The following SYNE1 variants were observed in gnomAD, a reference collection of about 807,000 sequenced individuals.
SYNE1 encodes spectrin repeat containing nuclear envelope protein 1, also known as nesprin-1.
SYNE1 carries 616 observed loss-of-function variants against 1,111.0 expected under a neutral mutation model. The observed-to-expected ratio is 0.55, with a 90% CI of 0.52 to 0.59. The LOEUF (loss-of-function observed/expected upper bound fraction) is 0.59, where lower values mean the gene tolerates loss of function less well. Among genes scored for constraint, SYNE1 ranks in the 20% least tolerant of loss-of-function variants. The probability of loss-of-function intolerance (pLI) is 0.00; values close to 1 mark genes in which losing one functional copy is unlikely to be tolerated. For missense variants in SYNE1, 10,006 were observed against 10,417.0 expected, an observed-to-expected ratio of 0.96 and a Z score of 1.72; for synonymous variants, 3,855 against 3,825.8, an observed-to-expected ratio of 1.01 and a Z score of -0.28.
intron 24 of SYNE1, among the ~76,000 whole-genome samples, chr6:152,454,178 A>T (rs2098676118): frequency 8.9e-6 from 1 of 112,988 alleles, no homozygotes; most frequent in African/African-American, 4.6e-5. Context: ...ACACATGTGC[A>T]CACAGAAGCA....
chr6:152,591,662 G>A (rs1247122480), intron 3 of SYNE1, among the ~76,000 whole-genome samples: 2 of 152,042 alleles, frequency 1.3e-5, no homozygotes, highest in Non-Finnish European at 2.9e-5. Flanking sequence ...TGACAGGTGG[G>A]AACTAATCAA....
chr6:152,597,303 G>T (rs2099584735), intron 3 of SYNE1, among the ~76,000 whole-genome samples: 1 of 152,120 alleles, frequency 6.6e-6, no homozygotes, highest in Non-Finnish European at 1.5e-5. Flanking sequence ...TAGATACAGT[G>T]TCTCACTCTA....
chr6:152,549,452 G>A (rs187744122), intron 3 of SYNE1, among the ~76,000 whole-genome samples: 1 of 152,130 alleles, frequency 6.6e-6, no homozygotes, highest in Non-Finnish European at 1.5e-5. Context: ...TGTGTGGGGG[G>A]GCGGTGGGAG....
At chr6:152,190,717 T>C (rs765832764) in intron 127 of SYNE1, among the ~76,000 whole-genome samples, 1 of 152,196 alleles carries the variant, frequency 6.6e-6, no homozygotes, top group Non-Finnish European at 1.5e-5. Context: ...GCAGCCTCCA[T>C]GTACCCTCCC....
chr6:152,553,418 T>C (rs1257337379), intron 3 of SYNE1, among the ~76,000 whole-genome samples: 1 of 152,130 alleles, frequency 6.6e-6, no homozygotes, highest in Non-Finnish European at 1.5e-5. Flanking sequence ...CAAAGTCAAA[T>C]GAAACCCTCC....
intron 73 of SYNE1, among the ~76,000 whole-genome samples, chr6:152,344,995 A>G (rs1203996510): frequency 6.6e-6 from 1 of 152,228 alleles, no homozygotes; most frequent in Non-Finnish European, 1.5e-5. Flanking sequence ...TTGAGACAAT[A>G]GAAGCAATCA....
chr6:152,339,830 A>G (rs2096492751), intron 74 of SYNE1, among the ~76,000 whole-genome samples: 1 of 152,170 alleles, frequency 6.6e-6, no homozygotes, highest in Admixed American at 6.5e-5. Context: ...CAGGAGATTC[A>G]TCTTGTATTA....
intron 29 of SYNE1, among the ~76,000 whole-genome samples, chr6:152,444,902 A>G (rs1003587062): frequency 1.3e-5 from 2 of 152,182 alleles, no homozygotes; most frequent in East Asian, 3.8e-4. Flanking sequence ...CCCCTGTTGA[A>G]GATCATGTAA....
rs776596697 is a variant in SYNE1 at position 152,455,468 on chromosome 6, C to G, written c.2850G>C (p.Leu950=). 6.2e-7 allele frequency: 1 copy of G among 1,614,182 alleles called. No homozygotes were observed. ...GCTCCTCTGGATCCCCCTTTTCCTCCAGGCCCTCCTGAGCAATCCGCAGTA... is the reference window on the plus strand; with the variant it reads ...GCTCCTCTGGATCCCCCTTTTCCTCGAGGCCCTCCTGAGCAATCCGCAGTA... ...EKVLRIAQEG[L]EEKGDPEELL... The change falls in exon 24 of 146, where the codon CTG becomes CTC. Residue 950 remains leucine, a synonymous_variant. Coordinates refer to ENST00000367255, the MANE Select transcript of SYNE1 (RefSeq NM_182961.4).
At position 152,149,495 on chromosome 6, in the gene SYNE1, C is replaced by T. The variant is rs912329356; in HGVS notation, c.24624G>A (p.Lys8208=). ...EVFGRVERYH[K]KLIRLPLPDD... Reference sequence around the variant, plus strand: ...TACATACAGGCAGGCGGATCAGTTTCTTATGGTATCTTTCCACACGCCCGA... The same window carrying T: ...TACATACAGGCAGGCGGATCAGTTTTTTATGGTATCTTTCCACACGCCCGA... Residue 8208 remains lysine, a synonymous_variant, in exon 136 of 146, where the codon AAG becomes AAA. Coordinates refer to ENST00000367255, the MANE Select transcript of SYNE1 (RefSeq NM_182961.4). The T allele has an allele frequency of 6.2e-7, 1 of 1,614,044 alleles. No individual in the cohort carries two copies. Among genetic ancestry groups the T allele is most frequent in the Non-Finnish European group, 8.5e-7 (1 of 1,180,046 alleles).
chr6:152,606,933 C>T (rs143092914), intron 3 of SYNE1, among the ~76,000 whole-genome samples: 4,245 of 147,186 alleles, frequency 0.029, 89 homozygotes, highest in Non-Finnish European at 0.046. Flanking sequence ...GGATTACAGG[C>T]GTGAGCCACC....
intron 75 of SYNE1, among the ~76,000 whole-genome samples, chr6:152,337,680 C>T (rs1170011773): frequency 3.3e-5 from 5 of 152,216 alleles, no homozygotes; most frequent in Non-Finnish European, 7.3e-5. Context: ...CTGTATGACT[C>T]ATGAATTTGG....
At chr6:152,207,924 C>T (rs779457096) in intron 125 of SYNE1, 48 bp downstream of exon 125, 26 of 1,586,900 alleles carry the variant, frequency 1.6e-5, no homozygotes, top group East Asian at 4.5e-5. Context: ...GTAAAGTGTG[C>T]GGTGGAAATG....
chr6:152,210,783 T>C (rs900525682), intron 124 of SYNE1, among the ~76,000 whole-genome samples: 1 of 152,220 alleles, frequency 6.6e-6, no homozygotes, highest in African/African-American at 2.4e-5. Context: ...AAATATAGTA[T>C]GAAATTGTCA....
chr6:152,404,490 A>C (rs962040039), intron 45 of SYNE1, among the ~76,000 whole-genome samples, 176 bp from the exon 46 acceptor site: 5 of 152,192 alleles, frequency 3.3e-5, no homozygotes, highest in African/African-American at 1.2e-4. Context: ...AAAATGTTAC[A>C]ATTAATGTTC....
At chr6:152,424,593 T>A (rs2098323244) in intron 39 of SYNE1, among the ~76,000 whole-genome samples, 1 of 152,240 alleles carries the variant, frequency 6.6e-6, no homozygotes, top group African/African-American at 2.4e-5. Context: ...TTTTTATGGC[T>A]TTTGGTGTCT....
intron 127 of SYNE1, among the ~76,000 whole-genome samples, chr6:152,192,366 G>T (rs146327728): frequency 6.6e-6 from 1 of 151,972 alleles, no homozygotes; most frequent in Non-Finnish European, 1.5e-5. Flanking sequence ...AGCTATTATT[G>T]TATTTGGGTC....
intron 63 of SYNE1, among the ~76,000 whole-genome samples, chr6:152,364,250 A>G (rs1363348555): frequency 5.3e-5 from 8 of 152,066 alleles, no homozygotes; most frequent in Non-Finnish European, 1.2e-4. Context: ...AGGAATTGGG[A>G]GTCAATTAAA....
chr6:152,393,853 T>C (rs1051873247), intron 51 of SYNE1, among the ~76,000 whole-genome samples: 2 of 152,196 alleles, frequency 1.3e-5, no homozygotes, highest in African/African-American at 4.8e-5. Context: ...TTACTTTAAG[T>C]TCTGGGATAC....
Sources: gnomAD v4.1 joint callset for allele counts (sites outside exome capture counted in the v4.1 genomes callset) on GRCh38, gnomAD v4.1.1 for gene constraint, MANE v1.5 for transcripts, NCBI Gene and HGNC (gene_info 2026-07-23, HGNC 2026-07-21) for gene names.